The following NEGR1 variants were observed in gnomAD, a reference collection of about 807,000 sequenced individuals.
The protein encoded by NEGR1 is IgLON family member 4.
In NEGR1, 10 loss-of-function variants were observed where a neutral mutation model predicts 40.9. That is an observed-to-expected ratio of 0.24 (90% CI 0.15 to 0.42). The LOEUF (loss-of-function observed/expected upper bound fraction) is 0.42, where lower values mean the gene tolerates loss of function less well. Among genes scored for constraint, NEGR1 ranks in the 10% least tolerant of loss-of-function variants. The pLI, the probability that NEGR1 is intolerant of heterozygous loss-of-function variation, is 1.00. For synonymous variants in NEGR1, 185 were observed against 166.8 expected (o/e 1.11, Z -0.84); for missense variants, 352 against 438.9 (o/e 0.80, Z 1.77).
intron 4 of NEGR1, among the ~76,000 whole-genome samples, chr1:71,640,104 A>T (rs748616676): frequency 6.6e-6 from 1 of 152,070 alleles, no homozygotes; most frequent in Admixed American, 6.6e-5. Context: ...AGAACTAGTA[A>T]TATTTGCAAT....
At chr1:72,237,044 T>G (rs1027177728) in intron 1 of NEGR1, among the ~76,000 whole-genome samples, 2 of 151,974 alleles carry the variant, frequency 1.3e-5, no homozygotes, top group Non-Finnish European at 2.9e-5. Context: ...TATCGGAATT[T>G]TATTTATTAT....
At chr1:72,162,144 A>G (rs777013016) in intron 1 of NEGR1, among the ~76,000 whole-genome samples, 9 of 152,118 alleles carry the variant, frequency 5.9e-5, no homozygotes, top group Non-Finnish European at 1.0e-4. Flanking sequence ...TAAGTGCACA[A>G]GAAAATGACA....
At chr1:71,817,250 C>A (rs1557663811) in intron 2 of NEGR1, among the ~76,000 whole-genome samples, 1 of 152,168 alleles carries the variant, frequency 6.6e-6, no homozygotes, top group East Asian at 1.9e-4. Flanking sequence ...ATCAGCTTCT[C>A]CAAGTTTGTT....
intron 3 of NEGR1, among the ~76,000 whole-genome samples, chr1:71,747,716 C>A (rs185213802): frequency 6.6e-6 from 1 of 152,206 alleles, no homozygotes; most frequent in Admixed American, 6.5e-5. Flanking sequence ...TGAGCCACTG[C>A]GCCCAGTCCG....
At chr1:71,447,518 G>A (rs1646591138) in intron 6 of NEGR1, among the ~76,000 whole-genome samples, 1 of 152,118 alleles carries the variant, frequency 6.6e-6, no homozygotes, top group Non-Finnish European at 1.5e-5. Context: ...GAACAGCAAG[G>A]GAGTAAAAAT....
chr1:71,548,345 G>A (rs1209064501), intron 6 of NEGR1, among the ~76,000 whole-genome samples: 1 of 151,640 alleles, frequency 6.6e-6, no homozygotes, highest in East Asian at 2.0e-4. Flanking sequence ...ACACTTCACT[G>A]TGATACCTTC....
intron 6 of NEGR1, chr1:71,422,897 A>C (rs1646406999): frequency 6.6e-6 from 1 of 152,176 alleles, no homozygotes; most frequent in African/African-American, 2.4e-5. Context: ...GTCTTTTTCT[A>C]TTCCTAGGTG....
chr1:71,713,422 G>A lies in NEGR1; in HGVS notation c.536-15283C>T, dbSNP rs749168927. Reference sequence around the variant, plus strand: ...GTTCTAGGCCACTAGGAAATTTAAAGCCAAAATGAAGGGAAATATACTTTT... The same window carrying A: ...GTTCTAGGCCACTAGGAAATTTAAAACCAAAATGAAGGGAAATATACTTTT... On this transcript the variant is annotated intron_variant, in intron 3 of 6. Transcript: ENST00000357731. 8.0e-4 allele frequency among the ~76,000 whole-genome samples: 122 copies of A among 152,120 alleles called. 1 individual carries two copies. Among genetic ancestry groups the A allele is most frequent in the Non-Finnish European group, 1.6e-3 (109 of 68,008 alleles).
intron 1 of NEGR1, among the ~76,000 whole-genome samples, chr1:72,098,345 AAC>A (rs1295819221): frequency 1.1e-4 from 17 of 152,312 alleles, no homozygotes; most frequent in African/African-American, 4.1e-4. Flanking sequence ...CAATACTGGA[AAC>A]AGTCATATTC....
intron 3 of NEGR1, among the ~76,000 whole-genome samples, chr1:71,764,932 G>T (rs188311862): frequency 6.6e-6 from 1 of 151,996 alleles, no homozygotes; most frequent in African/African-American, 2.4e-5. Context: ...TGTGATGTGC[G>T]ATGAAAAGTG....
At chr1:71,633,484 T>A (rs1382380230) in intron 4 of NEGR1, among the ~76,000 whole-genome samples, 1 of 152,092 alleles carries the variant, frequency 6.6e-6, no homozygotes, top group Non-Finnish European at 1.5e-5. Context: ...GTGGGAAGAT[T>A]GGCTCAATTC....
At chr1:72,185,628 A>G (rs1207189282) in intron 1 of NEGR1, among the ~76,000 whole-genome samples, 1 of 151,912 alleles carries the variant, frequency 6.6e-6, no homozygotes, top group East Asian at 1.9e-4. Context: ...TATATTTACT[A>G]CTTGAGGTCA....
intron 6 of NEGR1, among the ~76,000 whole-genome samples, chr1:71,576,278 C>G (rs538882200): frequency 6.6e-6 from 1 of 152,210 alleles, no homozygotes; most frequent in East Asian, 1.9e-4. Context: ...TTGTTGTTCT[C>G]CTCTTCTCAG....
intron 1 of NEGR1, among the ~76,000 whole-genome samples, chr1:72,079,559 G>A (rs1455122556): frequency 6.6e-6 from 1 of 151,930 alleles, no homozygotes; most frequent in Admixed American, 6.6e-5. Context: ...TTTTTCTTAA[G>A]AACATGACAA....
chr1:71,504,484 G>A (rs1331079531), intron 6 of NEGR1, among the ~76,000 whole-genome samples: 1 of 152,106 alleles, frequency 6.6e-6, no homozygotes, highest in Non-Finnish European at 1.5e-5. Context: ...TGTTACAAGT[G>A]TAGAAAGCCA....
chr1:71,622,265 G>A (rs1650635056), intron 4 of NEGR1, among the ~76,000 whole-genome samples: 1 of 151,866 alleles, frequency 6.6e-6, no homozygotes. Context: ...ATAGCTGTAT[G>A]TGATTGATTT....
intron 1 of NEGR1, among the ~76,000 whole-genome samples, chr1:72,242,386 T>C (rs1344452208): frequency 6.6e-6 from 1 of 151,630 alleles, no homozygotes; most frequent in African/African-American, 2.4e-5. Flanking sequence ...TTTTCATTAA[T>C]AGAATTTTAG....
chr1:71,930,812 A>C (rs1048319008), intron 2 of NEGR1, among the ~76,000 whole-genome samples: 2 of 152,214 alleles, frequency 1.3e-5, no homozygotes, highest in Admixed American at 6.5e-5. Flanking sequence ...TATAGTAAGA[A>C]GTAGAGCTGC....
intron 1 of NEGR1, among the ~76,000 whole-genome samples, chr1:72,278,394 C>T (rs563266505): frequency 1.9e-4 from 29 of 152,104 alleles, no homozygotes; most frequent in African/African-American, 6.5e-4. Context: ...TAAAAATAAC[C>T]GTGTTTTAAA....
Sources: allele counts gnomAD v4.1 joint callset (sites outside exome capture counted in the v4.1 genomes callset), GRCh38; gene constraint gnomAD v4.1.1; transcripts MANE v1.5; gene names NCBI Gene and HGNC (gene_info 2026-07-23, HGNC 2026-07-21).